SLC8B1: variants seen among roughly 807,000 people sequenced by gnomAD.
SLC8B1 encodes mitochondrial sodium/calcium exchanger protein.
SLC8B1 carries 52 observed loss-of-function variants against 63.4 expected under a neutral mutation model. That is an observed-to-expected ratio of 0.82 (90% CI 0.66 to 1.03). SLC8B1 has a LOEUF of 1.03. Among genes scored for constraint, SLC8B1 ranks in the 50% least tolerant of loss-of-function variants. The pLI, the probability that SLC8B1 is intolerant of heterozygous loss-of-function variation, is 0.00. For missense variants in SLC8B1, 657 were observed against 741.7 expected (o/e 0.89, Z 1.33); for synonymous variants, 336 against 323.9 (o/e 1.04, Z -0.40).
intron 2 of SLC8B1, among the ~76,000 whole-genome samples, chr12:113,332,120 G>C (rs911144970): frequency 6.6e-6 from 1 of 152,028 alleles, no homozygotes; most frequent in South Asian, 2.1e-4. Flanking sequence ...CTCTCCATTC[G>C]CTGGCTTGCC....
Position 113,320,218 on chromosome 12 carries a change from A to G in SLC8B1, c.694+113T>C, listed in dbSNP as rs1956901430. 7.8e-7 allele frequency: 1 copy of G among 1,286,398 alleles called. No individual in the cohort carries two copies. Among genetic ancestry groups the G allele is most frequent in the Non-Finnish European group, 1.1e-6 (1 of 933,704 alleles). 79.7% of individuals were successfully genotyped at this position (1,286,398 alleles called of 1,614,324 possible). On this transcript the variant is annotated intron_variant, in intron 7 of 15. Coordinates refer to ENST00000680972, the MANE Select transcript of SLC8B1 (RefSeq NM_001358345.2). The surrounding 1 kb of genome is among the most constrained non-coding windows in gnomAD (Gnocchi z 5.3). ...CTTGAGGAGGGTTTCTGTCACTTGT[A>G]ATCAAATCAAAGCCCCCACTGACCA...
chr12:113,329,597 C>A (rs1330655767), intron 2 of SLC8B1, among the ~76,000 whole-genome samples: 1 of 152,124 alleles, frequency 6.6e-6, no homozygotes, highest in Non-Finnish European at 1.5e-5. Context: ...GCTCTCTGCT[C>A]AAGAGAGACA....
intron 12 of SLC8B1, chr12:113,308,526 C>T (rs1344614550): frequency 6.6e-6 from 1 of 152,208 alleles, no homozygotes; most frequent in African/African-American, 2.4e-5. Flanking sequence ...AGCCCCACCC[C>T]ACCAGCCCAA....
chr12:113,333,892 G>C (rs565025164), intron 1 of SLC8B1, among the ~76,000 whole-genome samples: 1 of 152,102 alleles, frequency 6.6e-6, no homozygotes, highest in Non-Finnish European at 1.5e-5. Flanking sequence ...TATTTTTAAC[G>C]GAGACGGGGT....
chr12:113,309,440 A>G (rs1400550149), intron 12 of SLC8B1, among the ~76,000 whole-genome samples: 1 of 152,218 alleles, frequency 6.6e-6, no homozygotes, highest in Admixed American at 6.5e-5. Flanking sequence ...AGGCCATCCC[A>G]TTCTATCCCT....
intron 11 of SLC8B1, among the ~76,000 whole-genome samples, chr12:113,312,919 A>G (rs1046643553): frequency 8.8e-5 from 13 of 148,358 alleles, no homozygotes; most frequent in Admixed American, 8.7e-4. Context: ...TTTCTTTTCT[A>G]TTTTGAGACA....
Position 113,302,869 on chromosome 12 carries a change from C to T in SLC8B1, c.1557+1452G>A, listed in dbSNP as rs535947897. Among the ~76,000 whole-genome samples, 10 of 152,240 alleles carry T rather than the reference C, an allele frequency of 6.6e-5. No individual in the cohort carries two copies. The South Asian group carries it at 2.1e-3, about 32-fold the overall frequency. On this transcript the variant is annotated intron_variant, in intron 15 of 15. Transcript: ENST00000680972. ...TCAATTCTGAAAACAGAGATGGGAC[C>T]GTACAATAGGTAAGTGTTTCAAAGC...
At chr12:113,333,497 C>T (rs896547752) in intron 1 of SLC8B1, among the ~76,000 whole-genome samples, 4 of 152,322 alleles carry the variant, frequency 2.6e-5, no homozygotes, top group African/African-American at 9.6e-5. Context: ...TGGATGACCT[C>T]ATTCTATCCT....
intron 11 of SLC8B1, 133 bp from the exon 12 acceptor site, chr12:113,310,488 A>G (rs988882927): frequency 2.5e-6 from 3 of 1,192,774 alleles, no homozygotes; most frequent in Non-Finnish European, 1.1e-6. Context: ...GGGCAGAAAA[A>G]TTTAAAATGC....
At chr12:113,304,415 A>G in intron 14 of SLC8B1, 30 bp from the exon 15 acceptor site, 1 of 1,606,688 alleles carries the variant, frequency 6.2e-7, no homozygotes, top group Non-Finnish European at 8.5e-7. Flanking sequence ...GCTTTGCTGG[A>G]ATGGCCTGCA....
intron 2 of SLC8B1, among the ~76,000 whole-genome samples, chr12:113,328,493 T>C (rs1224005350): frequency 2.6e-5 from 4 of 152,210 alleles, no homozygotes; most frequent in African/African-American, 9.6e-5. Flanking sequence ...AGCTCTCCTT[T>C]GCCTGTTTTT....
chr12:113,316,895 C>G, intron 9 of SLC8B1, 47 bp downstream of exon 9: 1 of 1,599,354 alleles, frequency 6.3e-7, no homozygotes, highest in Non-Finnish European at 8.5e-7. Flanking sequence ...CACCCCCAGC[C>G]TTTCCCTGTT....
chr12:113,321,291 G>C lies in SLC8B1; in HGVS notation c.214C>G (p.Pro72Ala). 1.2e-6 allele frequency: 2 copies of C among 1,614,132 alleles called. No homozygotes were observed. The highest frequency in any genetic ancestry group is 2.7e-5 in the African/African-American group (2 of 75,010). ...SDRCDFIRTN[P>A]DCHSDGGYLD... ...TACCCCCCATCACTGTGGCAGTCAG[G>C]GTTGGTCCGGATGAAGTCACAGCGG... is the stretch of plus-strand genomic sequence containing the variant. The change falls in exon 3 of 16, where the codon CCT becomes GCT. Residue 72 changes from proline to alanine, a missense_variant. Coordinates refer to ENST00000680972, the MANE Select transcript of SLC8B1 (RefSeq NM_001358345.2).
chr12:113,311,999 G>A (rs574905396), intron 11 of SLC8B1, among the ~76,000 whole-genome samples: 10 of 152,034 alleles, frequency 6.6e-5, no homozygotes, highest in African/African-American at 2.2e-4. Context: ...TGGCTGGGGC[G>A]TGAAGACACT....
Position 113,320,778 on chromosome 12 carries a change from A to G in SLC8B1, c.420+72T>C. The G allele has an allele frequency of 1.3e-6, 2 of 1,574,680 alleles. No homozygotes were observed. The highest frequency in any genetic ancestry group is 8.6e-7 in the Non-Finnish European group (1 of 1,159,052). ...CCCCAGCTTCCCCACACGGGGATAG[A>G]CATGACCCTATCTCCCAGCCTCCCC... On this transcript the variant is annotated intron_variant, in intron 5 of 15. Coordinates refer to ENST00000680972, the MANE Select transcript of SLC8B1 (RefSeq NM_001358345.2). This position sits in a 1 kb window ranked among gnomAD's most constrained non-coding sequence, Gnocchi z 5.3.
At chr12:113,307,069 C>T (rs1278416381) in intron 13 of SLC8B1, among the ~76,000 whole-genome samples, 1 of 123,588 alleles carries the variant, frequency 8.1e-6, no homozygotes, top group Non-Finnish European at 1.6e-5. Context: ...CAAGATCACA[C>T]CATTGCACTC....
chr12:113,330,535 G>C (rs2136869405), intron 2 of SLC8B1, among the ~76,000 whole-genome samples: 1 of 152,314 alleles, frequency 6.6e-6, no homozygotes. Flanking sequence ...GTTTGGGGGA[G>C]GACTTGTGGG....
intron 13 of SLC8B1, 92 bp downstream of exon 13, chr12:113,307,599 A>C (rs1956693141): frequency 1.4e-6 from 2 of 1,463,882 alleles, no homozygotes; most frequent in Non-Finnish European, 1.8e-6. Flanking sequence ...CACCCTGGAC[A>C]CTCCTGCCCA....
At chr12:113,313,198 C>T (rs1016023721) in intron 11 of SLC8B1, among the ~76,000 whole-genome samples, 10 of 151,856 alleles carry the variant, frequency 6.6e-5, no homozygotes, top group African/African-American at 1.7e-4. Context: ...GAGCCACCAT[C>T]GCTGGTCGGT....
Sources: gnomAD v4.1 joint callset for allele counts (sites outside exome capture counted in the v4.1 genomes callset) on GRCh38, gnomAD v4.1.1 for gene constraint, Gnocchi (gnomAD v3.1) non-coding constraint, MANE v1.5 for transcripts, NCBI Gene and HGNC (gene_info 2026-07-23, HGNC 2026-07-21) for gene names.